OGA: variants seen among roughly 807,000 people sequenced by gnomAD.
OGA encodes O-GlcNAcase.
In OGA, 21 loss-of-function variants were observed where a neutral mutation model predicts 102.0. That is an observed-to-expected ratio of 0.21 (90% CI 0.15 to 0.30). OGA has a LOEUF of 0.30. Among genes scored for constraint, OGA ranks in the 10% least tolerant of loss-of-function variants. The pLI, the probability that OGA is intolerant of heterozygous loss-of-function variation, is 1.00. For synonymous variants in OGA, 408 were observed against 378.2 expected (o/e 1.08, Z -0.91); for missense variants, 765 against 1,107.8 (o/e 0.69, Z 4.39).
intron 1 of OGA, among the ~76,000 whole-genome samples, chr10:101,814,546 C>T (rs2065597793): frequency 6.6e-6 from 1 of 152,060 alleles, no homozygotes; most frequent in Admixed American, 6.6e-5. Flanking sequence ...CCAAGATCCG[C>T]GCCATTGCAT....
In OGA at chr10:101,817,918, C is replaced by T. The variant is rs752423704; in HGVS notation, c.105G>A (p.Pro35=). ...CGGCGGGGTTGTCTTCTCCGGGTGC[C>T]GGAGCTGCCGGCGGCTCCAGCGATG... is the stretch of plus-strand genomic sequence containing the variant. ...AGASLEPPAA[P]APGEDNPAGA... The change falls in exon 1 of 16, where the codon CCG becomes CCA. Residue 35 remains proline (P), a synonymous_variant. Coordinates refer to ENST00000361464, the MANE Select transcript of OGA (RefSeq NM_012215.5). 3 of 1,576,662 alleles carry T rather than the reference C, an allele frequency of 1.9e-6. No individual in the cohort carries two copies. In the East Asian group the frequency reaches 7.1e-5, roughly 37 times the overall value.
chr10:101,791,592 T>C (rs2065259484), intron 12 of OGA, 153 bp from the exon 13 acceptor site: 1 of 621,182 alleles, frequency 1.6e-6, no homozygotes, highest in Non-Finnish European at 2.8e-6. Flanking sequence ...AATAAAGATT[T>C]ATTCATTGAG....
At chr10:101,807,666 T>C (rs1444109528) in intron 5 of OGA, 64 bp downstream of exon 5, 5 of 1,149,458 alleles carry the variant, frequency 4.3e-6, no homozygotes, top group East Asian at 2.8e-5. Context: ...ATGGGGCCCA[T>C]GGTCCTTTAT....
At chr10:101,813,692 A>C in intron 1 of OGA, 86 bp from the exon 2 acceptor site, 1 of 739,978 alleles carries the variant, frequency 1.4e-6, no homozygotes, top group Non-Finnish European at 2.2e-6. Flanking sequence ...AACATATAAT[A>C]CAATCCTATT....
In OGA at chr10:101,786,422, T is replaced by A. The variant is rs766703666; in HGVS notation, c.*29A>T. 2.5e-6 allele frequency: 4 copies of A among 1,577,642 alleles called. No individual in the cohort carries two copies. Among genetic ancestry groups the A allele is most frequent in the Non-Finnish European group, 3.4e-6 (4 of 1,164,052 alleles). ...CATTCACAAGGTGCAGTTAAGAGAC[T>A]TTTGGACAGTTCACAGTGTCAACAA... On this transcript the variant is annotated 3_prime_UTR_variant, in exon 16 of 16. Coordinates refer to ENST00000361464, the MANE Select transcript of OGA (RefSeq NM_012215.5).
chr10:101,813,163 G>T, intron 2 of OGA, 36 bp from the exon 3 acceptor site: 1 of 1,355,364 alleles, frequency 7.4e-7, no homozygotes, highest in Non-Finnish European at 1.0e-6. Context: ...GTATAAACAG[G>T]CAACATTCAT....
intron 10 of OGA, chr10:101,797,663 CA>C (rs2065332890): frequency 8.2e-6 from 4 of 486,464 alleles, no homozygotes; most frequent in Non-Finnish European, 1.5e-5. Flanking sequence ...GTCTCATCTC[CA>C]AATCAGATAA....
chr10:101,798,516 C>T (rs1164618527), intron 9 of OGA, among the ~76,000 whole-genome samples: 1 of 150,984 alleles, frequency 6.6e-6, no homozygotes, highest in Non-Finnish European at 1.5e-5. Flanking sequence ...GTTCTTCAAG[C>T]GATTCTCCTG....
intron 14 of OGA, chr10:101,787,787 T>G: frequency 2.9e-6 from 1 of 349,518 alleles, no homozygotes. Context: ...TCTCTTTCCC[T>G]ATTTATATCG....
rs544346961 is a variant in OGA at position 101,797,790 on chromosome 10, T to C, written c.1984+190A>G. 9 of 615,118 alleles carry C rather than the reference T, an allele frequency of 1.5e-5. No homozygotes were observed. In the East Asian group the frequency reaches 1.6e-4, roughly 11 times the overall value. 38.1% of individuals were successfully genotyped at this position (615,118 alleles called of 1,614,324 possible). ...AATTAGCCCAAGGGAGAAAAATTAA[T>C]GTGCTTGATGTATTTACTAAGACTT... On this transcript the variant is annotated intron_variant, in intron 10 of 15. Transcript: ENST00000361464.
At chr10:101,806,220 G>T (rs902399522) in intron 5 of OGA, 77 bp from the exon 6 acceptor site, 4 of 933,016 alleles carry the variant, frequency 4.3e-6, no homozygotes, top group Non-Finnish European at 6.7e-6. Flanking sequence ...TGTTTTCTTT[G>T]AGACGGAGTC....
chr10:101,794,390 G>A (rs1472333418), intron 10 of OGA, among the ~76,000 whole-genome samples: 1 of 152,120 alleles, frequency 6.6e-6, no homozygotes, highest in African/African-American at 2.4e-5. Context: ...AGCCCATGAA[G>A]GAATTCAACC....
intron 10 of OGA, among the ~76,000 whole-genome samples, chr10:101,795,166 G>A (rs760650914): frequency 1.3e-5 from 2 of 152,142 alleles, no homozygotes; most frequent in Non-Finnish European, 2.9e-5. Context: ...TACACTGCAG[G>A]AAAAAAACTA....
chr10:101,804,325 T>C (rs1397967423), intron 6 of OGA, among the ~76,000 whole-genome samples: 1 of 148,702 alleles, frequency 6.7e-6, no homozygotes, highest in Admixed American at 6.8e-5. Context: ...CAGGCTGGAG[T>C]ACAGTGGTGT....
In OGA at chr10:101,793,906, T is replaced by C. The variant is rs377244207; in HGVS notation, c.2070+7A>G. The C allele has an allele frequency of 1.9e-6, 3 of 1,584,742 alleles. No individual in the cohort carries two copies. Among genetic ancestry groups the C allele is most frequent in the Non-Finnish European group, 1.7e-6 (2 of 1,153,736 alleles). On this transcript the variant is annotated splice_region_variant and intron_variant, in intron 11 of 15. Coordinates refer to ENST00000361464, the MANE Select transcript of OGA (RefSeq NM_012215.5). ...ATGTCAATTCAGTTGTGAATTCATA[T>C]TGATACCTGGAACTCTCCTGCTAGA...
In OGA at chr10:101,798,839, C is replaced by T. The variant is rs1198353364; in HGVS notation, c.1809+3G>A. 12 of 1,608,842 alleles carry T rather than the reference C, an allele frequency of 7.5e-6. No homozygotes were observed. The highest frequency in any genetic ancestry group is 9.3e-6 in the Non-Finnish European group (11 of 1,176,938). ...CAGCAGCAGGTACATTAAACATACT[C>T]ACTTTTTCAGAGTCTTTTCCTTTGC... On this transcript the variant is annotated splice_donor_region_variant and intron_variant, in intron 9 of 15. Coordinates refer to ENST00000361464, the MANE Select transcript of OGA (RefSeq NM_012215.5).
At position 101,785,470 on chromosome 10, in the gene OGA, A is replaced by C. The variant is rs894043116; in HGVS notation, c.*981T>G. 8 of 152,678 alleles carry C rather than the reference A, an allele frequency of 5.2e-5. No individual in the cohort carries two copies. Among genetic ancestry groups the C allele is most frequent in the Non-Finnish European group, 1.0e-4 (7 of 68,048 alleles). The allele number at this position is 152,678 out of a possible 1,614,324, so 9.5% of individuals were successfully genotyped here. Reference sequence around the variant, plus strand: ...CCTGACATGTCAAATCCAACATTTCACATGCTGACCTAATATTGAGGTTAA... The same window carrying C: ...CCTGACATGTCAAATCCAACATTTCCCATGCTGACCTAATATTGAGGTTAA... On this transcript the variant is annotated 3_prime_UTR_variant, in exon 16 of 16. Coordinates refer to ENST00000361464, the MANE Select transcript of OGA (RefSeq NM_012215.5).
chr10:101,787,207 T>G (rs1339100500), intron 15 of OGA, among the ~76,000 whole-genome samples, 157 bp downstream of exon 15: 10 of 152,184 alleles, frequency 6.6e-5, no homozygotes, highest in Admixed American at 5.9e-4. Context: ...TTAATACACA[T>G]GCGATTCTTC....
At chr10:101,814,610 A>G (rs1254599321) in intron 1 of OGA, among the ~76,000 whole-genome samples, 2 of 152,174 alleles carry the variant, frequency 1.3e-5, no homozygotes, top group Non-Finnish European at 2.9e-5. Flanking sequence ...TTCCACATAC[A>G]ATGATATAAT....
Sources: allele counts gnomAD v4.1 joint callset (sites outside exome capture counted in the v4.1 genomes callset), GRCh38; gene constraint gnomAD v4.1.1; transcripts MANE v1.5; gene names NCBI Gene and HGNC (gene_info 2026-07-23, HGNC 2026-07-21).